RAI14: variants seen among roughly 807,000 people sequenced by gnomAD.
RAI14 encodes the protein ankycorbin.
In RAI14, 45 loss-of-function variants were observed where a neutral mutation model predicts 115.4. The observed-to-expected ratio is 0.39, with a 90% CI of 0.31 to 0.50. RAI14 has a LOEUF of 0.50. Among genes scored for constraint, RAI14 ranks in the 20% least tolerant of loss-of-function variants. RAI14 has a pLI of 0.85. For synonymous variants in RAI14, 371 were observed against 415.4 expected, an observed-to-expected ratio of 0.89 and a Z score of 1.30; for missense variants, 939 against 1,131.2, an observed-to-expected ratio of 0.83 and a Z score of 2.44.
At chr5:34,822,273 TAA>T (rs1450654711) in intron 14 of RAI14, among the ~76,000 whole-genome samples, 1 of 146,268 alleles carries the variant, frequency 6.8e-6, no homozygotes, top group Admixed American at 6.8e-5. Flanking sequence ...TATATATATA[TAA>T]AATATTATCC....
At chr5:34,804,878 A>T (rs1754679263) in intron 5 of RAI14, among the ~76,000 whole-genome samples, 1 of 152,144 alleles carries the variant, frequency 6.6e-6, no homozygotes, top group African/African-American at 2.4e-5. Flanking sequence ...TCAATTTTTA[A>T]GTAATTGATT....
Position 34,677,864 on chromosome 5 carries a change from AT to A in RAI14, c.-48-9004del, listed in dbSNP as rs1290837699. Among the ~76,000 whole-genome samples the A allele has an allele frequency of 9.8e-5, 15 of 152,308 alleles. No individual in the cohort carries two copies. In the South Asian group the frequency reaches 2.7e-3, roughly 27 times the overall value. On this transcript the variant is annotated intron_variant, in intron 1 of 17. Transcript: ENST00000265109. ...TGAAAAAGTAATCGTGGTTTTTGTTATTTTAATGGCAAAAACTGCAATTACT... is the reference window on the plus strand; with the variant it reads ...TGAAAAAGTAATCGTGGTTTTTGTTATTTAATGGCAAAAACTGCAATTACT...
At chr5:34,765,061 T>C (rs1024491565) in intron 3 of RAI14, among the ~76,000 whole-genome samples, 9 of 152,198 alleles carry the variant, frequency 5.9e-5, no homozygotes, top group Non-Finnish European at 1.2e-4. Flanking sequence ...CTCTTGCCGT[T>C]GCTATGTAAG....
chr5:34,796,397 C>A (rs866088000), intron 4 of RAI14, among the ~76,000 whole-genome samples: 438 of 123,750 alleles, frequency 3.5e-3, no homozygotes, highest in South Asian at 4.8e-3. Context: ...GACTCTGTCT[C>A]AAAAAAAAAA....
At chr5:34,751,754 T>C (rs1338550841) in intron 2 of RAI14, among the ~76,000 whole-genome samples, 1 of 152,226 alleles carries the variant, frequency 6.6e-6, no homozygotes, top group African/African-American at 2.4e-5. Context: ...GCATGTCTTA[T>C]ACACAGGTTG....
At position 34,823,777 on chromosome 5, in the gene RAI14, G is replaced by A. The variant is rs374876623; in HGVS notation, c.1935G>A (p.Val645=). The A allele has an allele frequency of 1.9e-6, 3 of 1,614,046 alleles. No individual in the cohort carries two copies. In the African/African-American group the frequency reaches 4.0e-5, roughly 22 times the overall value. The part of the protein sequence containing the change: ...NRMIDELNKQ[V]SELSQLYKEA... ...TGATAGATGAACTCAATAAACAGGT[G>A]AGCGAGCTGTCACAGCTGTACAAAG... Residue 645 remains valine (V), a synonymous_variant, in exon 15 of 18, where the codon GTG becomes GTA. Coordinates refer to ENST00000265109, the MANE Select transcript of RAI14 (RefSeq NM_015577.3). This position sits in a 1 kb window ranked among gnomAD's most constrained non-coding sequence, Gnocchi z 4.5.
chr5:34,823,000 A>C lies in RAI14; in HGVS notation c.1158A>C (p.Ser386=). 1 of 1,614,068 alleles carries C rather than the reference A, an allele frequency of 6.2e-7. No individual in the cohort carries two copies. ...KEAEADLSFD[S]YHSTQTDLGP... is the part of the protein sequence containing the mutation. ...CGGAAGCAGACCTAAGCTTTGACTC[A>C]TACCATTCCACCCAAACTGACTTGG... The change falls in exon 15 of 18, where the codon TCA becomes TCC. Residue 386 remains serine, a synonymous_variant. Coordinates refer to ENST00000265109, the MANE Select transcript of RAI14 (RefSeq NM_015577.3).
intron 1 of RAI14, among the ~76,000 whole-genome samples, chr5:34,680,472 A>G (rs1744307986): frequency 2.0e-5 from 3 of 152,228 alleles, no homozygotes; most frequent in Admixed American, 2.0e-4. Flanking sequence ...TCCATTCAGA[A>G]GGGTAGAACC....
At chr5:34,661,187 C>A (rs953375984) in intron 1 of RAI14, among the ~76,000 whole-genome samples, 1 of 152,144 alleles carries the variant, frequency 6.6e-6, no homozygotes, top group African/African-American at 2.4e-5. Context: ...TCCGGTGGGT[C>A]TTTCCTTTGG....
chr5:34,738,306 T>TA (rs1336128130), intron 2 of RAI14, among the ~76,000 whole-genome samples: 8 of 152,248 alleles, frequency 5.3e-5, no homozygotes, highest in Non-Finnish European at 1.0e-4. Context: ...CTGTCCAAAA[T>TA]AAAAAAGCGG....
At chr5:34,694,397 G>T (rs1353445263) in intron 2 of RAI14, among the ~76,000 whole-genome samples, 2 of 152,096 alleles carry the variant, frequency 1.3e-5, no homozygotes, top group Non-Finnish European at 2.9e-5. Context: ...CAACTATATG[G>T]CAATACAGGG....
In RAI14 at chr5:34,791,343, G is replaced by T. The variant is rs1215508615; in HGVS notation, c.168-4596G>T. On this transcript the variant is annotated intron_variant, in intron 3 of 17. Transcript: ENST00000265109. The surrounding 1 kb of genome is among the most constrained non-coding windows in gnomAD (Gnocchi z 5.4). The stretch of plus-strand genomic sequence containing the variant: ...GTGTATTCTTGAACCCTTTAAACGG[G>T]TCTCTACTTTGGCCTAAGACCATAT... 6.6e-6 allele frequency among the ~76,000 whole-genome samples: 1 copy of T among 152,008 alleles called. No homozygotes were observed. Among genetic ancestry groups the T allele is most frequent in the Non-Finnish European group, 1.5e-5 (1 of 68,000 alleles).
intron 2 of RAI14, among the ~76,000 whole-genome samples, chr5:34,722,581 C>T (rs965885181): frequency 1.1e-4 from 16 of 152,184 alleles, no homozygotes; most frequent in African/African-American, 3.1e-4. Flanking sequence ...CGTGATGGCT[C>T]ATGCCTGTAA....
At chr5:34,824,749 G>T (rs1023541479) in intron 15 of RAI14, among the ~76,000 whole-genome samples, 4 of 151,984 alleles carry the variant, frequency 2.6e-5, no homozygotes, top group African/African-American at 7.3e-5. Flanking sequence ...TTCAAGACCA[G>T]CCTGGCCAAC....
At position 34,721,705 on chromosome 5, in the gene RAI14, T is replaced by C. The variant is rs149209257; in HGVS notation, c.36+34750T>C. ...GTCTCTAAATATAAGTTCGTGTTTT[T>C]CTTGAACGGACACTTTTTTTTTTGA... On this transcript the variant is annotated intron_variant, in intron 2 of 17. Coordinates refer to ENST00000265109, the MANE Select transcript of RAI14 (RefSeq NM_015577.3). Among the ~76,000 whole-genome samples the C allele has an allele frequency of 3.0e-4, 45 of 152,308 alleles. 1 individual carries two copies. The East Asian group carries it at 4.4e-3, about 15-fold the overall frequency.
chr5:34,690,725 G>A (rs189252415), intron 2 of RAI14, among the ~76,000 whole-genome samples: 3 of 152,148 alleles, frequency 2.0e-5, no homozygotes, highest in Admixed American at 2.0e-4. Context: ...ATCTATTTGG[G>A]ACCCTGCAGA....
intron 1 of RAI14, among the ~76,000 whole-genome samples, chr5:34,671,170 C>G (rs143842408): frequency 2.6e-5 from 4 of 152,106 alleles, no homozygotes; most frequent in African/African-American, 9.6e-5. Context: ...CTTGTCAGCC[C>G]TAATTGAGGA....
chr5:34,772,246 C>A (rs1430952268), intron 3 of RAI14, among the ~76,000 whole-genome samples: 1 of 152,132 alleles, frequency 6.6e-6, no homozygotes, highest in Non-Finnish European at 1.5e-5. Context: ...GGTGCCGTTT[C>A]TCAGTAAAAT....
At chr5:34,747,689 A>G (rs1337796111) in intron 2 of RAI14, among the ~76,000 whole-genome samples, 1 of 152,224 alleles carries the variant, frequency 6.6e-6, no homozygotes, top group Non-Finnish European at 1.5e-5. Context: ...TTCTTGTGAC[A>G]TGGTGGGTCT....
Sources: allele counts gnomAD v4.1 joint callset (sites outside exome capture counted in the v4.1 genomes callset), GRCh38; gene constraint gnomAD v4.1.1; non-coding constraint Gnocchi (gnomAD v3.1); transcripts MANE v1.5; gene names NCBI Gene and HGNC (gene_info 2026-07-23, HGNC 2026-07-21).